Variants in FBXO34 observed in about 807,000 individuals in gnomAD.
The protein encoded by FBXO34 is F-box protein 34.
In FBXO34, 12 loss-of-function variants were observed where a neutral mutation model predicts 24.5. That is an observed-to-expected ratio of 0.49 (90% CI 0.31 to 0.79). The LOEUF is 0.79. FBXO34 is among the 30% of genes least tolerant of loss of function. The pLI is 0.04. For missense variants in FBXO34, 823 were observed against 857.7 expected, an observed-to-expected ratio of 0.96 and a Z score of 0.51; for synonymous variants, 320 against 311.9, an observed-to-expected ratio of 1.03 and a Z score of -0.27.
At chr14:55,390,780 G>A in the FBXO34 span, 9 of 646,140 alleles carry the variant, frequency 1.4e-5, no homozygotes, top group Non-Finnish European at 2.2e-5. Flanking sequence ...AGATGAGGGC[G>A]AGTAGTAAAA....
chr14:55,364,626 G>T (rs1237108685), downstream of FBXO34, among the ~76,000 whole-genome samples: 8 of 149,248 alleles, frequency 5.4e-5, no homozygotes, highest in Non-Finnish European at 6.0e-5. Flanking sequence ...ATGGGGTTTT[G>T]CCATGTTGGC....
chr14:55,363,022 TC>T (rs1303755188), downstream of FBXO34, among the ~76,000 whole-genome samples: 174 of 112,512 alleles, frequency 1.5e-3, 2 homozygotes, highest in African/African-American at 4.1e-3. Context: ...TTTCTCTCTC[TC>T]TTTTTTTTTT....
the FBXO34 span, among the ~76,000 whole-genome samples, chr14:55,426,430 T>G: frequency 6.6e-6 from 1 of 152,134 alleles, no homozygotes; most frequent in Non-Finnish European, 1.5e-5. Flanking sequence ...CCTGGGAAAC[T>G]GAATGACCTT....
chr14:55,306,248 G>A (rs1027744325), intron 1 of FBXO34, among the ~76,000 whole-genome samples: 5 of 152,208 alleles, frequency 3.3e-5, no homozygotes, highest in African/African-American at 1.2e-4. Flanking sequence ...AACCATATGA[G>A]AGAGTAATTT....
At chr14:55,412,010 CA>C in the FBXO34 span, among the ~76,000 whole-genome samples, 1 of 152,202 alleles carries the variant, frequency 6.6e-6, no homozygotes, top group African/African-American at 2.4e-5. Flanking sequence ...GGTCCCGAAG[CA>C]GGGGGAGAGT....
the FBXO34 span, chr14:55,385,876 TTCC>T: frequency 1.2e-6 from 2 of 1,612,098 alleles, no homozygotes; most frequent in Non-Finnish European, 1.7e-6. Flanking sequence ...CCGTCTTTAC[TTCC>T]TCGATTGGAA....
chr14:55,319,526 G>A (rs1252076851), intron 1 of FBXO34, among the ~76,000 whole-genome samples: 1 of 152,148 alleles, frequency 6.6e-6, no homozygotes, highest in Non-Finnish European at 1.5e-5. Flanking sequence ...ATGGGTTAAT[G>A]GCTGTTTTGT....
At chr14:55,436,000 T>G in the FBXO34 span, 2 of 968,706 alleles carry the variant, frequency 2.1e-6, no homozygotes, top group East Asian at 2.9e-5. Context: ...AAAAGACAAC[T>G]TATTTTCTCA....
At chr14:55,424,866 GCTT>G in the FBXO34 span, among the ~76,000 whole-genome samples, 1 of 152,132 alleles carries the variant, frequency 6.6e-6, no homozygotes. Flanking sequence ...GCACTTAAGA[GCTT>G]CTTCTCCACA....
chr14:55,283,966 G>C (rs1476772438), intron 1 of FBXO34, among the ~76,000 whole-genome samples: 5 of 147,450 alleles, frequency 3.4e-5, no homozygotes, highest in East Asian at 1.9e-4. Context: ...GTGTGTGTGT[G>C]TGTGTGTGTC....
At chr14:55,422,191 G>A in the FBXO34 span, among the ~76,000 whole-genome samples, 5 of 152,216 alleles carry the variant, frequency 3.3e-5, no homozygotes, top group Non-Finnish European at 7.3e-5. Flanking sequence ...GCGTTAAGTT[G>A]GTTGGCTAGC....
chr14:55,363,872 GTTT>G (rs957487109), downstream of FBXO34, among the ~76,000 whole-genome samples: 2 of 145,056 alleles, frequency 1.4e-5, no homozygotes, highest in Non-Finnish European at 3.0e-5. Context: ...ATGCCTCTGC[GTTT>G]TTTTTTTTAC....
the FBXO34 span, among the ~76,000 whole-genome samples, chr14:55,421,060 C>CAA: frequency 0.45 from 47,673 of 107,048 alleles, 11,354 homozygotes; most frequent in Non-Finnish European, 0.57. Context: ...GAATCTGTCT[C>CAA]AAAAAAAAAA....
chr14:55,413,993 C>T, the FBXO34 span: 1 of 525,218 alleles, frequency 1.9e-6, no homozygotes, highest in Non-Finnish European at 3.7e-6. Context: ...GGAACAACTC[C>T]ATCTTTTCTA....
At chr14:55,294,696 T>C (rs1882061141) in intron 1 of FBXO34, among the ~76,000 whole-genome samples, 2 of 152,246 alleles carry the variant, frequency 1.3e-5, no homozygotes, top group Admixed American at 1.3e-4. Flanking sequence ...TGGAGACTAC[T>C]GTGTTCCATA....
chr14:55,432,568 T>C, the FBXO34 span, among the ~76,000 whole-genome samples: 1 of 152,098 alleles, frequency 6.6e-6, no homozygotes, highest in Non-Finnish European at 1.5e-5. Context: ...ACTGAGCAAA[T>C]GACATAGCAA....
At chr14:55,385,790 T>A in the FBXO34 span, 1 of 1,285,438 alleles carries the variant, frequency 7.8e-7, no homozygotes, top group Non-Finnish European at 1.1e-6. Flanking sequence ...ATAAATAAGG[T>A]AATGACATAC....
At position 55,326,359 on chromosome 14, in the gene FBXO34, C is replaced by A. The variant is rs147969390; in HGVS notation, c.-10-24022C>A. Among the ~76,000 whole-genome samples the A allele has an allele frequency of 1.6e-4, 24 of 152,266 alleles. No individual in the cohort carries two copies. In the South Asian group the frequency reaches 2.5e-3, roughly 16 times the overall value. On this transcript the variant is annotated intron_variant, in intron 1 of 1. Coordinates refer to ENST00000313833, the MANE Select transcript of FBXO34 (RefSeq NM_017943.4). Reference sequence around the variant, plus strand: ...AAGTAAAATGTGCTTTTTTAGACTTCGGCCGAGTTGCCTAGGTGAGGGCTG... The same window carrying A: ...AAGTAAAATGTGCTTTTTTAGACTTAGGCCGAGTTGCCTAGGTGAGGGCTG...
intron 1 of FBXO34, among the ~76,000 whole-genome samples, chr14:55,336,808 G>C (rs1267836216): frequency 1.4e-5 from 2 of 146,032 alleles, no homozygotes; most frequent in Non-Finnish European, 3.0e-5. Context: ...CACATTTTGA[G>C]AACTTCCCAG....
Sources: gnomAD v4.1 joint callset for allele counts (sites outside exome capture counted in the v4.1 genomes callset) on GRCh38, gnomAD v4.1.1 for gene constraint, MANE v1.5 for transcripts, NCBI Gene and HGNC (gene_info 2026-07-23, HGNC 2026-07-21) for gene names.